The following EDARADD variants were observed in gnomAD, a reference collection of about 807,000 sequenced individuals.
The protein encoded by EDARADD is EDAR associated via death domain, also known as ectodysplasin-A receptor-associated adapter protein.
In EDARADD, 20 loss-of-function variants were observed where a neutral mutation model predicts 25.6. The observed-to-expected ratio is 0.78, with a 90% CI of 0.55 to 1.14. The LOEUF (loss-of-function observed/expected upper bound fraction) is 1.14. EDARADD is among the 50% of genes most tolerant of loss of function. The pLI is 0.00. For synonymous variants in EDARADD, 86 were observed against 94.4 expected (o/e 0.91, Z 0.52); for missense variants, 225 against 270.1 (o/e 0.83, Z 1.17).
At chr1:236,364,956 G>A (rs912862277) in intron 3 of EDARADD, among the ~76,000 whole-genome samples, 7 of 152,108 alleles carry the variant, frequency 4.6e-5, no homozygotes, top group African/African-American at 1.7e-4. Context: ...TCCTTGTATT[G>A]TTCCTGATCT....
At chr1:236,372,285 T>C (rs1239603770) in intron 3 of EDARADD, among the ~76,000 whole-genome samples, 2 of 152,162 alleles carry the variant, frequency 1.3e-5, no homozygotes, top group Non-Finnish European at 2.9e-5. Context: ...CATGAAAGGC[T>C]GTTGGATTTT....
chr1:236,481,899 G>A (rs1659685839), intron 5 of EDARADD, among the ~76,000 whole-genome samples: 2 of 151,858 alleles, frequency 1.3e-5, no homozygotes, highest in African/African-American at 4.8e-5. Context: ...GGATCACAAG[G>A]TCAGGAGATC....
At chr1:236,355,749 ATCCACCCACC>A (rs1320053912) in intron 3 of EDARADD, among the ~76,000 whole-genome samples, 1 of 151,704 alleles carries the variant, frequency 6.6e-6, no homozygotes, top group African/African-American at 2.4e-5. Flanking sequence ...ACCTCAGGTG[ATCCACCCACC>A]TCAGCCTCCC....
At chr1:236,354,647 G>A (rs1666954367) in intron 3 of EDARADD, among the ~76,000 whole-genome samples, 1 of 152,158 alleles carries the variant, frequency 6.6e-6, no homozygotes, top group Admixed American at 6.6e-5. Flanking sequence ...CACTTCCTAA[G>A]TCTGATGTAC....
At chr1:236,385,334 G>A (rs866294976) in intron 3 of EDARADD, among the ~76,000 whole-genome samples, 12 of 148,498 alleles carry the variant, frequency 8.1e-5, no homozygotes, top group Admixed American at 4.0e-4. Flanking sequence ...GCATGAAGCC[G>A]GGAGGTGGAG....
intron 2 of EDARADD, among the ~76,000 whole-genome samples, chr1:236,413,915 A>T (rs1657565937): frequency 6.6e-6 from 1 of 152,198 alleles, no homozygotes; most frequent in Admixed American, 6.5e-5. Flanking sequence ...GTGAGAAGAA[A>T]TGCATCTGTC....
chr1:236,421,941 C>A (rs1657795872), intron 3 of EDARADD, among the ~76,000 whole-genome samples: 1 of 152,124 alleles, frequency 6.6e-6, no homozygotes, highest in Non-Finnish European at 1.5e-5. Flanking sequence ...CACTAAGAAG[C>A]AAGGAAGGCA....
chr1:236,380,417 AT>A (rs142093380), intron 3 of EDARADD, among the ~76,000 whole-genome samples: 3,396 of 152,144 alleles, frequency 0.022, 57 homozygotes, highest in Non-Finnish European at 0.03. Context: ...CTGAAGGGAA[AT>A]TTTTTAGGTG....
At chr1:236,449,957 C>A (rs370362221) in intron 4 of EDARADD, among the ~76,000 whole-genome samples, 2 of 152,032 alleles carry the variant, frequency 1.3e-5, no homozygotes, top group African/African-American at 4.8e-5. Context: ...AAAAATTAGC[C>A]GGGTGTAGTG....
intron 4 of EDARADD, among the ~76,000 whole-genome samples, chr1:236,437,924 T>C (rs984912566): frequency 4.6e-5 from 7 of 152,026 alleles, no homozygotes; most frequent in Admixed American, 2.0e-4. Flanking sequence ...AATTTTTGTA[T>C]TTTTGTAGAG....
intron 4 of EDARADD, among the ~76,000 whole-genome samples, chr1:236,456,067 G>A (rs1475828083): frequency 6.6e-6 from 1 of 152,050 alleles, no homozygotes; most frequent in South Asian, 2.1e-4. Flanking sequence ...GGGATTATAG[G>A]CGTGAGCCAC....
At chr1:236,408,203 T>C (rs575443756) in intron 1 of EDARADD, among the ~76,000 whole-genome samples, 15 of 152,232 alleles carry the variant, frequency 9.9e-5, no homozygotes, top group Admixed American at 9.2e-4. Context: ...TATTTTTAAT[T>C]AATTAATTTA....
intron 4 of EDARADD, among the ~76,000 whole-genome samples, chr1:236,456,950 C>T (rs2103029975): frequency 6.6e-6 from 1 of 152,136 alleles, no homozygotes; most frequent in East Asian, 1.9e-4. Flanking sequence ...TGAACCAGGA[C>T]CACCTGCATT....
At chr1:236,384,327 A>C (rs1032379499) in intron 3 of EDARADD, among the ~76,000 whole-genome samples, 6 of 152,328 alleles carry the variant, frequency 3.9e-5, no homozygotes, top group Non-Finnish European at 7.3e-5. Flanking sequence ...ACAAGCTTTA[A>C]AAATTTGCCG....
At chr1:236,403,113 G>A (rs748269167) in intron 1 of EDARADD, among the ~76,000 whole-genome samples, 2 of 152,078 alleles carry the variant, frequency 1.3e-5, no homozygotes, top group South Asian at 2.1e-4. Flanking sequence ...GTGCCACCAC[G>A]CCTGGCTAAT....
intron 2 of EDARADD, 144 bp from the exon 3 acceptor site, chr1:236,414,116 T>A: frequency 1.4e-6 from 1 of 711,646 alleles, no homozygotes; most frequent in Non-Finnish European, 2.5e-6. Flanking sequence ...ACACAATCAA[T>A]GGATAAGGCC....
chr1:236,405,643 T>A (rs1161609660), intron 1 of EDARADD, among the ~76,000 whole-genome samples: 2 of 147,218 alleles, frequency 1.4e-5, no homozygotes, highest in Non-Finnish European at 3.0e-5. Context: ...CTTTTAACTG[T>A]CCTGTGTGTG....
At chr1:236,449,863 C>G (rs1571942129) in intron 4 of EDARADD, among the ~76,000 whole-genome samples, 1 of 152,104 alleles carries the variant, frequency 6.6e-6, no homozygotes, top group Non-Finnish European at 1.5e-5. Flanking sequence ...CACTTTGGGA[C>G]GCCAAGGCAG....
intron 1 of EDARADD, among the ~76,000 whole-genome samples, chr1:236,396,991 C>G (rs115244405): frequency 0.029 from 4,392 of 149,828 alleles, 111 homozygotes; most frequent in Non-Finnish European, 0.049. Flanking sequence ...TGGGGGAATT[C>G]AAAAAGATCT....
Sources: allele counts gnomAD v4.1 joint callset (sites outside exome capture counted in the v4.1 genomes callset), GRCh38; gene constraint gnomAD v4.1.1; transcripts MANE v1.5; gene names NCBI Gene and HGNC (gene_info 2026-07-23, HGNC 2026-07-21).